TYW1: variants seen among roughly 807,000 people sequenced by gnomAD.
The protein encoded by TYW1 is tRNA-yW synthesizing protein 1 homolog.
In TYW1, 46 loss-of-function variants were observed where a neutral mutation model predicts 96.2. The ratio of observed to expected loss-of-function variants is 0.48; its 90% CI spans 0.38 to 0.61. The LOEUF is 0.61. Among genes scored for constraint, TYW1 ranks in the 20% least tolerant of loss-of-function variants. The pLI is 0.00. For missense variants in TYW1, 684 were observed against 909.6 expected (o/e 0.75, Z 3.19); for synonymous variants, 274 against 323.0 (o/e 0.85, Z 1.63).
At chr7:67,047,027 G>A (rs1795208807) in intron 7 of TYW1, among the ~76,000 whole-genome samples, 1 of 152,200 alleles carries the variant, frequency 6.6e-6, no homozygotes, top group Admixed American at 6.5e-5. Context: ...CCTCGGTCCA[G>A]TTTTGGATTT....
chr7:67,169,842 C>T lies in TYW1; in HGVS notation c.1699-13284C>T, dbSNP rs571931008. Among the ~76,000 whole-genome samples the T allele has an allele frequency of 1.8e-4, 28 of 152,286 alleles. 1 individual carries two copies. In the East Asian group the frequency reaches 5.2e-3, roughly 28 times the overall value. On this transcript the variant is annotated intron_variant, in intron 13 of 15. Transcript: ENST00000359626. Reference sequence around the variant, plus strand: ...TAATACTGCTGGGAATATTCATGCACAGGTTTTAGTGTGAATATATGTTTC... The same window carrying T: ...TAATACTGCTGGGAATATTCATGCATAGGTTTTAGTGTGAATATATGTTTC...
intron 11 of TYW1, among the ~76,000 whole-genome samples, chr7:67,097,875 A>G (rs1584557331): frequency 7.0e-6 from 1 of 142,842 alleles, no homozygotes; most frequent in Admixed American, 7.0e-5. Context: ...TTTTTTTTTA[A>G]TTTTTAGTAG....
chr7:67,066,422 A>G (rs990880324), intron 9 of TYW1, among the ~76,000 whole-genome samples: 1 of 152,176 alleles, frequency 6.6e-6, no homozygotes, highest in African/African-American at 2.4e-5. Flanking sequence ...CCTTCTTACT[A>G]CATGTACCAA....
At chr7:67,127,346 G>T (rs1264919126) in intron 13 of TYW1, among the ~76,000 whole-genome samples, 1 of 151,798 alleles carries the variant, frequency 6.6e-6, no homozygotes, top group African/African-American at 2.4e-5. Flanking sequence ...CTTTAGTAGA[G>T]ACAGGGTTTT....
intron 3 of TYW1, among the ~76,000 whole-genome samples, chr7:67,002,856 C>CTTTTTTTTT (rs547425705): frequency 2.7e-5 from 3 of 110,888 alleles, no homozygotes; most frequent in African/African-American, 6.6e-5. Context: ...TTTCTTTTTT[C>CTTTTTTTTT]TTTTTTTTTT....
In TYW1 at chr7:67,239,343, C is replaced by T; in HGVS notation, c.*814C>T. 1.0e-6 allele frequency: 1 copy of T among 985,406 alleles called. No homozygotes were observed. The highest frequency in any genetic ancestry group is 1.2e-6 in the Non-Finnish European group (1 of 829,912). 61.0% of individuals were successfully genotyped at this position (985,406 alleles called of 1,614,324 possible). Reference sequence around the variant, plus strand: ...CATATCATGACCAGACGGCGGGTCTCCATCTTCTTTCACTCCTGTGGCCCT... The same window carrying T: ...CATATCATGACCAGACGGCGGGTCTTCATCTTCTTTCACTCCTGTGGCCCT... On this transcript the variant is annotated 3_prime_UTR_variant, in exon 16 of 16. Transcript: ENST00000359626.
intron 7 of TYW1, 44 bp from the exon 8 acceptor site, chr7:67,049,905 C>T (rs960860011): frequency 6.2e-7 from 1 of 1,609,996 alleles, no homozygotes; most frequent in Non-Finnish European, 8.5e-7. Flanking sequence ...ATTTACATTG[C>T]ACATTACCAA....
At chr7:67,021,223 A>G (rs1422478729) in intron 6 of TYW1, among the ~76,000 whole-genome samples, 3 of 152,282 alleles carry the variant, frequency 2.0e-5, no homozygotes, top group Non-Finnish European at 4.4e-5. Context: ...ATTGAAGTGC[A>G]GGTCTGTGTT....
chr7:67,107,863 G>C (rs62468378), intron 12 of TYW1, among the ~76,000 whole-genome samples: 5,930 of 149,180 alleles, frequency 0.04, 172 homozygotes, highest in Middle Eastern at 0.1. Context: ...ACCATGCCTG[G>C]CCAAGATGGA....
chr7:67,131,408 C>T (rs1798070089), intron 13 of TYW1, among the ~76,000 whole-genome samples: 4 of 152,144 alleles, frequency 2.6e-5, no homozygotes, highest in Admixed American at 2.6e-4. Flanking sequence ...TAACTATAGT[C>T]TAGCTTAAGA....
intron 13 of TYW1, among the ~76,000 whole-genome samples, chr7:67,139,170 A>C (rs539522762): frequency 6.6e-6 from 1 of 152,240 alleles, no homozygotes; most frequent in Admixed American, 6.5e-5. Flanking sequence ...CTCCTGCCTC[A>C]GCCTTCAAGT....
intron 15 of TYW1, among the ~76,000 whole-genome samples, chr7:67,231,977 C>G (rs1801765422): frequency 6.6e-6 from 1 of 152,124 alleles, no homozygotes; most frequent in African/African-American, 2.4e-5. Context: ...CGCCTGTTAT[C>G]CCAGCACTTT....
chr7:67,014,606 C>T, intron 5 of TYW1, 45 bp downstream of exon 5: 2 of 1,560,468 alleles, frequency 1.3e-6, no homozygotes, highest in Non-Finnish European at 1.7e-6. Context: ...CCCATAAACA[C>T]ACACACACGC....
intron 15 of TYW1, among the ~76,000 whole-genome samples, chr7:67,237,447 C>T (rs189937194): frequency 6.6e-6 from 1 of 150,754 alleles, no homozygotes; most frequent in Admixed American, 6.6e-5. Flanking sequence ...TTGCAGTGAG[C>T]CGAGATCAGG....
chr7:67,163,100 A>C (rs1799210736), intron 13 of TYW1, among the ~76,000 whole-genome samples: 1 of 152,062 alleles, frequency 6.6e-6, no homozygotes, highest in Non-Finnish European at 1.5e-5. Context: ...CCATGTTGTA[A>C]ATTTCCGCAT....
chr7:67,158,684 C>T (rs543109453), intron 13 of TYW1, among the ~76,000 whole-genome samples: 1 of 152,276 alleles, frequency 6.6e-6, no homozygotes, highest in East Asian at 1.9e-4. Flanking sequence ...ATTCTCCTGC[C>T]TCAGCCTACC....
At chr7:67,051,994 T>C (rs545684407) in intron 8 of TYW1, among the ~76,000 whole-genome samples, 95 of 152,310 alleles carry the variant, frequency 6.2e-4, no homozygotes, top group Non-Finnish European at 1.1e-3. Context: ...ACATTGCTTC[T>C]GATTAGAGTT....
intron 10 of TYW1, among the ~76,000 whole-genome samples, chr7:67,082,766 C>T (rs549135122): frequency 1.3e-5 from 2 of 152,034 alleles, no homozygotes; most frequent in Non-Finnish European, 2.9e-5. Context: ...CTACAAGGTT[C>T]TGCATGGGCT....
Position 67,012,683 on chromosome 7 carries a change from A to G in TYW1, c.376-1684A>G, listed in dbSNP as rs199537200. On this transcript the variant is annotated intron_variant, in intron 4 of 15. Transcript: ENST00000359626. ...AAATCCAAATTTCTGGAGCGCTGAC[A>G]GGAGGCCACAAGTGGAAAATTTCGC... 2.0e-4 allele frequency among the ~76,000 whole-genome samples: 30 copies of G among 152,318 alleles called. 1 individual carries two copies. In the East Asian group the frequency reaches 5.6e-3, roughly 28 times the overall value.
Sources: allele counts gnomAD v4.1 joint callset (sites outside exome capture counted in the v4.1 genomes callset), GRCh38; gene constraint gnomAD v4.1.1; transcripts MANE v1.5; gene names NCBI Gene and HGNC (gene_info 2026-07-23, HGNC 2026-07-21).